VAV2: variants seen among roughly 807,000 people sequenced by gnomAD.
The protein encoded by VAV2 is vav guanine nucleotide exchange factor 2.
Under a neutral mutation model 132.5 loss-of-function variants are expected in VAV2, and 67 were observed. The observed-to-expected ratio is 0.51, with a 90% CI of 0.42 to 0.62. VAV2 has a LOEUF of 0.62. VAV2 is among the 20% of genes least tolerant of loss of function. The pLI, the probability that VAV2 is intolerant of heterozygous loss-of-function variation, is 0.00. For missense variants in VAV2, 938 were observed against 1,153.6 expected, an observed-to-expected ratio of 0.81 and a Z score of 2.71; for synonymous variants, 492 against 443.5, an observed-to-expected ratio of 1.11 and a Z score of -1.37.
chr9:133,906,768 T>TCCCTGC (rs1564454700), intron 2 of VAV2, among the ~76,000 whole-genome samples: 1 of 152,032 alleles, frequency 6.6e-6, no homozygotes, highest in African/African-American at 2.4e-5. Flanking sequence ...CCTGGAGAGC[T>TCCCTGC]GGGGGCAGCG....
rs960032659 is a variant in VAV2, at chr9:133,824,678, A to G, written c.449+9594T>C. Among the ~76,000 whole-genome samples, 2 of 151,842 alleles carry G rather than the reference A, an allele frequency of 1.3e-5. No homozygotes were observed. The highest frequency in any genetic ancestry group is 4.8e-5 in the African/African-American group (2 of 41,346). On this transcript the variant is annotated intron_variant, in intron 4 of 29. Transcript: ENST00000371850. This position sits in a 1 kb window ranked among gnomAD's most constrained non-coding sequence, Gnocchi z 5.2. The stretch of plus-strand genomic sequence containing the variant: ...CGAGTGAGAAGTGCAGGGGCCCACA[A>G]CGGGGTCCCAGGTCCCAGGTCTGTG...
rs768612737 is a variant in VAV2 at position 133,777,378 on chromosome 9, A to C, written c.1965+11T>G. ...ACCGTGCTCCAGAAGCTTCTGTGGGAAAGGACTCACCCTTCCATCCACAGG... is the reference window on the plus strand; with the variant it reads ...ACCGTGCTCCAGAAGCTTCTGTGGGCAAGGACTCACCCTTCCATCCACAGG... On this transcript the variant is annotated intron_variant, in intron 23 of 29. Transcript: ENST00000371850. The C allele has an allele frequency of 6.2e-7, 1 of 1,613,420 alleles. No homozygotes were observed. The highest frequency in any genetic ancestry group is 1.7e-5 in the Admixed American group (1 of 59,988).
At chr9:133,775,123 G>A in intron 24 of VAV2, 72 bp from the exon 25 acceptor site, 1 of 1,301,918 alleles carries the variant, frequency 7.7e-7, no homozygotes. Context: ...AGCCCTCCGT[G>A]CGTGGCAGGC....
chr9:133,806,439 C>T (rs930142340), intron 8 of VAV2, among the ~76,000 whole-genome samples: 15 of 152,182 alleles, frequency 9.9e-5, no homozygotes, highest in African/African-American at 3.6e-4. Flanking sequence ...AGACACGCAG[C>T]GGCCGACTCG....
At chr9:133,930,241 TCCTCACTGCCTCCC>T (rs1840631262) in intron 2 of VAV2, among the ~76,000 whole-genome samples, 1 of 152,010 alleles carries the variant, frequency 6.6e-6, no homozygotes, top group Admixed American at 6.5e-5. Context: ...CCTCCCGGCA[TCCTCACTGCCTCCC>T]GGCCTCTTCA....
rs1204045419 is a variant in VAV2 at position 133,833,455 on chromosome 9, G to A, written c.449+817C>T. On this transcript the variant is annotated intron_variant, in intron 4 of 29. Coordinates refer to ENST00000371850, the MANE Select transcript of VAV2 (RefSeq NM_001134398.2). This position sits in a 1 kb window ranked among gnomAD's most constrained non-coding sequence, Gnocchi z 5.6. ...TTGAGCTAAGAACACACAAGCTGCT[G>A]TCAAACAGCTCCAGAGGCCCCCAGG... 6.6e-6 allele frequency among the ~76,000 whole-genome samples: 1 copy of A among 152,204 alleles called. No homozygotes were observed. Among genetic ancestry groups the A allele is most frequent in the African/African-American group, 2.4e-5 (1 of 41,452 alleles).
chr9:133,777,022 C>T (rs1564334699), intron 23 of VAV2, among the ~76,000 whole-genome samples: 1 of 152,144 alleles, frequency 6.6e-6, no homozygotes, highest in African/African-American at 2.4e-5. Context: ...TGAGGGGAGC[C>T]TTTTTTTCTC....
intron 1 of VAV2, among the ~76,000 whole-genome samples, chr9:133,959,749 C>T (rs1195348785): frequency 6.6e-6 from 1 of 152,184 alleles, no homozygotes; most frequent in Non-Finnish European, 1.5e-5. Context: ...GACCAGCATC[C>T]TCTTAAGAGA....
At chr9:133,890,209 C>T (rs2131968272) in intron 2 of VAV2, among the ~76,000 whole-genome samples, 1 of 152,276 alleles carries the variant, frequency 6.6e-6, no homozygotes, top group Middle Eastern at 3.4e-3. Context: ...GGGGGTGGAA[C>T]CAGGGAGCCC....
chr9:133,992,208 A>G lies in VAV2; in HGVS notation c.71T>C (p.Val24Ala), dbSNP rs772210977. 5 of 1,595,732 alleles carry G rather than the reference A, an allele frequency of 3.1e-6. No homozygotes were observed. The highest frequency in any genetic ancestry group is 1.4e-5 in the African/African-American group (1 of 73,678). Residue 24 changes from valine to alanine, a missense_variant, in exon 1 of 30, where the codon GTG becomes GCG. Coordinates refer to ENST00000371850, the MANE Select transcript of VAV2 (RefSeq NM_001134398.2). The surrounding 1 kb of genome is among the most constrained non-coding windows in gnomAD (Gnocchi z 5.5). ...GTCGAAGACCACGGCCGAGGGCCAC[A>G]CCACCCGGTGGTTGGGCGGCAGGAC... ...CKVLPPNHRV[V>A]WPSAVVFDLA...
intron 2 of VAV2, among the ~76,000 whole-genome samples, chr9:133,916,646 T>C (rs942947985): frequency 1.3e-5 from 2 of 151,994 alleles, no homozygotes; most frequent in African/African-American, 4.8e-5. Context: ...TGTGTATTGA[T>C]CCCAGAAGCT....
At chr9:133,979,600 G>A (rs957381450) in intron 1 of VAV2, among the ~76,000 whole-genome samples, 6 of 152,174 alleles carry the variant, frequency 3.9e-5, no homozygotes, top group African/African-American at 1.4e-4. Context: ...CCGGAGCCAC[G>A]GCCGCCGGCA....
chr9:133,940,101 G>GGGGCACGC (rs1841082885), intron 1 of VAV2, among the ~76,000 whole-genome samples: 1 of 152,324 alleles, frequency 6.6e-6, no homozygotes, highest in East Asian at 1.9e-4. Flanking sequence ...CGGGCCCCAG[G>GGGGCACGC]TTGGAATCCT....
Position 133,780,014 on chromosome 9 carries a change from C to T in VAV2, c.1741-75G>A, listed in dbSNP as rs45439996. ...CTGTGGCCCATGCATCAACGCACCC[C>T]GCCCTCCCTGTCCCCACTAGTTCCT... On this transcript the variant is annotated intron_variant, in intron 20 of 29. Coordinates refer to ENST00000371850, the MANE Select transcript of VAV2 (RefSeq NM_001134398.2). 7.8e-3 allele frequency: 12,342 copies of T among 1,590,450 alleles called. 62 individuals are homozygous for T. The highest frequency in any genetic ancestry group is 9.5e-3 in the Non-Finnish European group (11,065 of 1,163,416).
In VAV2 at chr9:133,964,952, G is replaced by GTAC. The variant is rs199547390; in HGVS notation, c.205-25736_205-25734dup. Among the ~76,000 whole-genome samples, 268 of 152,242 alleles carry GTAC rather than the reference G, an allele frequency of 1.8e-3. 1 individual carries two copies. Among genetic ancestry groups the GTAC allele is most frequent in the East Asian group, 0.014 (74 of 5,186 alleles). On this transcript the variant is annotated intron_variant, in intron 1 of 29. Transcript: ENST00000371850. ...ACTTTCACCACTCTTATTCAACGTA[G>GTAC]TACTAGAAGTGCTAGCCAGACCAAT...
At chr9:133,782,486 G>A (rs2131595778) in intron 19 of VAV2, among the ~76,000 whole-genome samples, 1 of 152,302 alleles carries the variant, frequency 6.6e-6, no homozygotes, top group South Asian at 2.1e-4. Flanking sequence ...GGGGGTCTGG[G>A]CTGACCTTCT....
At chr9:133,987,800 T>C (rs1240146336) in intron 1 of VAV2, among the ~76,000 whole-genome samples, 12 of 152,226 alleles carry the variant, frequency 7.9e-5, no homozygotes, top group Admixed American at 7.8e-4. Context: ...CAGCAGATTG[T>C]GGCCATACCC....
At chr9:133,861,297 A>G in intron 3 of VAV2, 77 bp downstream of exon 3, 1 of 1,478,438 alleles carries the variant, frequency 6.8e-7, no homozygotes, top group Non-Finnish European at 9.2e-7. Flanking sequence ...TTCCAACCCC[A>G]GTATCTGTGA....
chr9:133,777,197 G>A (rs1833846833), intron 23 of VAV2, among the ~76,000 whole-genome samples, 192 bp downstream of exon 23: 1 of 152,144 alleles, frequency 6.6e-6, no homozygotes, highest in Admixed American at 6.5e-5. Context: ...TTTAAACAGA[G>A]GAGAGCGTGC....
Sources: allele counts gnomAD v4.1 joint callset (sites outside exome capture counted in the v4.1 genomes callset), GRCh38; gene constraint gnomAD v4.1.1; non-coding constraint Gnocchi (gnomAD v3.1); transcripts MANE v1.5; gene names NCBI Gene and HGNC (gene_info 2026-07-23, HGNC 2026-07-21).